The following DNAI4 variants were observed in gnomAD, a reference collection of about 807,000 sequenced individuals.
DNAI4 encodes dynein axonemal intermediate chain 4.
A neutral mutation model predicts 105.8 loss-of-function variants in DNAI4; 85 were observed. The ratio of observed to expected loss-of-function variants is 0.80; its 90% confidence interval spans 0.67 to 0.96. The LOEUF is 0.96. Ranked by LOEUF, DNAI4 falls within the 40% of genes least tolerant of loss-of-function variation. The pLI is 0.00. For synonymous variants in DNAI4, 352 were observed against 331.5 expected (o/e 1.06, Z -0.67); for missense variants, 1,014 against 1,005.6 (o/e 1.01, Z -0.11).
intron 8 of DNAI4, 23 bp from the exon 9 acceptor site, chr1:66,840,694 G>T (rs1646086533): frequency 6.2e-7 from 1 of 1,612,918 alleles, no homozygotes; most frequent in Middle Eastern, 1.7e-4. Flanking sequence ...CAAATAAAAA[G>T]ATCATTGTCC....
At chr1:66,819,909 T>A (rs56148672) in intron 16 of DNAI4, among the ~76,000 whole-genome samples, 57,845 of 151,494 alleles carry the variant, frequency 0.38, 11,793 homozygotes, top group South Asian at 0.5. Flanking sequence ...ACTTTTTTTT[T>A]AAAAAAGATG....
chr1:66,864,776 A>T lies in DNAI4; in HGVS notation c.941-2474T>A, dbSNP rs140630289. 7.9e-5 allele frequency among the ~76,000 whole-genome samples: 12 copies of T among 152,250 alleles called. No individual in the cohort carries two copies. The East Asian group carries it at 2.3e-3, about 30-fold the overall frequency. ...GAATCGCTTGAACCCAGGAGGAGACAGTTGCAGTGAGCCGAGATCGTGCCA... is the reference window on the plus strand; with the variant it reads ...GAATCGCTTGAACCCAGGAGGAGACTGTTGCAGTGAGCCGAGATCGTGCCA... On this transcript the variant is annotated intron_variant, in intron 6 of 16. Transcript: ENST00000371026.
chr1:66,883,581 T>A (rs950372546), intron 4 of DNAI4, among the ~76,000 whole-genome samples: 7 of 152,170 alleles, frequency 4.6e-5, no homozygotes, highest in Non-Finnish European at 8.8e-5. Context: ...CTTGGCCCAA[T>A]CTGCATGAAC....
chr1:66,819,657 C>T (rs1645585889), intron 16 of DNAI4, among the ~76,000 whole-genome samples: 1 of 152,018 alleles, frequency 6.6e-6, no homozygotes, highest in East Asian at 1.9e-4. Context: ...TATTGTCACA[C>T]TTGACAGGTT....
chr1:66,888,306 G>T (rs972230716), intron 4 of DNAI4, among the ~76,000 whole-genome samples: 1 of 151,980 alleles, frequency 6.6e-6, no homozygotes, highest in East Asian at 1.9e-4. Flanking sequence ...ATTCTAGAGC[G>T]AGGAAGCACT....
At chr1:66,837,523 A>G (rs1337150107) in intron 10 of DNAI4, 187 bp downstream of exon 10, 1 of 673,402 alleles carries the variant, frequency 1.5e-6, no homozygotes, top group East Asian at 2.9e-5. Context: ...GAATGAATTA[A>G]TAAATGAATT....
chr1:66,834,013 T>A lies in DNAI4; in HGVS notation c.1869A>T (p.Ile623=). ...SADGRISKWV[I]RKGLDCYDLM... ...TACCATAACAGTCTAGTCCTTTTCGTATAACCCATTTGGAGATTCTTCCAT... is the reference window on the plus strand; with the variant it reads ...TACCATAACAGTCTAGTCCTTTTCGAATAACCCATTTGGAGATTCTTCCAT... The change falls in exon 12 of 17, where the codon ATA becomes ATT. Residue 623 remains isoleucine (I), a synonymous_variant. Coordinates refer to ENST00000371026, the MANE Select transcript of DNAI4 (RefSeq NM_024763.5). The A allele has an allele frequency of 6.2e-7, 1 of 1,606,158 alleles. No homozygotes were observed. The highest frequency in any genetic ancestry group is 1.1e-5 in the South Asian group (1 of 88,694).
chr1:66,857,659 C>T (rs527731547), intron 7 of DNAI4, among the ~76,000 whole-genome samples: 44 of 151,786 alleles, frequency 2.9e-4, no homozygotes, highest in Admixed American at 5.2e-4. Flanking sequence ...CTCAGCCTCC[C>T]GAATAGCTGG....
chr1:66,888,693 AAAAAC>A (rs1273677935), intron 4 of DNAI4, among the ~76,000 whole-genome samples: 1 of 152,160 alleles, frequency 6.6e-6, no homozygotes, highest in Non-Finnish European at 1.5e-5. Flanking sequence ...ACTCCGTCTA[AAAAAC>A]AAAACAAAAC....
chr1:66,823,147 C>G (rs7364611), intron 15 of DNAI4, among the ~76,000 whole-genome samples: 23,949 of 100,336 alleles, frequency 0.24, 3,063 homozygotes, highest in South Asian at 0.28. Context: ...CTACGAGTGA[C>G]AATATGCGGT....
chr1:66,889,359 A>G (rs1557960491), intron 4 of DNAI4, among the ~76,000 whole-genome samples: 1 of 152,186 alleles, frequency 6.6e-6, no homozygotes, highest in Non-Finnish European at 1.5e-5. Flanking sequence ...TAATGTGGAT[A>G]AAATGCCCAG....
chr1:66,905,602 ATT>A (rs1377916091), intron 1 of DNAI4, among the ~76,000 whole-genome samples: 1 of 152,114 alleles, frequency 6.6e-6, no homozygotes, highest in African/African-American at 2.4e-5. Context: ...TATTAATATT[ATT>A]TTATATAAAG....
At chr1:66,837,249 A>G (rs1646044425) in intron 10 of DNAI4, among the ~76,000 whole-genome samples, 1 of 151,466 alleles carries the variant, frequency 6.6e-6, no homozygotes, top group Non-Finnish European at 1.5e-5. Context: ...CTGTAGTCCC[A>G]GCTACTCGGG....
At position 66,822,476 on chromosome 1, in the gene DNAI4, T is replaced by C. The variant is rs763922178; in HGVS notation, c.2381A>G (p.Lys794Arg). The change falls in exon 16 of 17, where the codon AAG becomes AGG. Residue 794 changes from lysine to arginine, a missense_variant. Lys to Arg is a conservative substitution (Grantham distance 26). Coordinates refer to ENST00000371026, the MANE Select transcript of DNAI4 (RefSeq NM_024763.5). Reference sequence around the variant, plus strand: ...TTTGGCAAAGAGAATGGTTGTGAACTTGATTCCAGGGTTAGCAGTATTCAC... The same window carrying C: ...TTTGGCAAAGAGAATGGTTGTGAACCTGATTCCAGGGTTAGCAGTATTCAC... ...LIVNTANPGI[K>R]FTTILFAKQT... 6.2e-7 allele frequency: 1 copy of C among 1,612,562 alleles called. No homozygotes were observed. Among genetic ancestry groups the C allele is most frequent in the Non-Finnish European group, 8.5e-7 (1 of 1,179,374 alleles).
chr1:66,856,142 C>T (rs1167669737), intron 7 of DNAI4, among the ~76,000 whole-genome samples: 1 of 149,658 alleles, frequency 6.7e-6, no homozygotes, highest in Non-Finnish European at 1.5e-5. Flanking sequence ...GCAAAAGATA[C>T]ACTTGAATAT....
At position 66,862,252 on chromosome 1, in the gene DNAI4, G is replaced by A; in HGVS notation, c.991C>T (p.Leu331Phe). The A allele has an allele frequency of 1.2e-6, 2 of 1,610,722 alleles. No individual in the cohort carries two copies. Among genetic ancestry groups the A allele is most frequent in the Non-Finnish European group, 8.5e-7 (1 of 1,178,858 alleles). ...GATTGTTTTACTGATAAAGATACAA[G>A]TTCCATAGCATTGTAAGAATCATAC... ...DLYDSYNAMELVSLSVKQSVV... is the reference protein window; with the variant it reads ...DLYDSYNAMEFVSLSVKQSVV... The change falls in exon 7 of 17, where the codon CTT (leucine) becomes TTT (phenylalanine). Residue 331 changes from leucine to phenylalanine, a missense_variant. Physicochemically the swap from Leu to Phe is conservative, Grantham distance 22. Coordinates refer to ENST00000371026, the MANE Select transcript of DNAI4 (RefSeq NM_024763.5).
chr1:66,909,610 C>A (rs1266437320), intron 1 of DNAI4, among the ~76,000 whole-genome samples: 1 of 151,878 alleles, frequency 6.6e-6, no homozygotes, highest in Non-Finnish European at 1.5e-5. Flanking sequence ...GTTAACTCAT[C>A]TAATGCCATG....
intron 1 of DNAI4, among the ~76,000 whole-genome samples, chr1:66,915,736 G>A (rs1200703810): frequency 1.3e-5 from 2 of 152,006 alleles, no homozygotes; most frequent in African/African-American, 4.8e-5. Flanking sequence ...AAGGTAAAAG[G>A]AACCAGGAAA....
intron 5 of DNAI4, 60 bp downstream of exon 5, chr1:66,874,721 A>G: frequency 6.5e-7 from 1 of 1,541,448 alleles, no homozygotes; most frequent in Non-Finnish European, 8.7e-7. Flanking sequence ...AACAAGGATA[A>G]GAACCCTTGG....
Sources: allele counts gnomAD v4.1 joint callset (sites outside exome capture counted in the v4.1 genomes callset), GRCh38; gene constraint gnomAD v4.1.1; transcripts MANE v1.5; gene names NCBI Gene and HGNC (gene_info 2026-07-23, HGNC 2026-07-21).